Variants in LYN observed in about 807,000 individuals in gnomAD.
LYN encodes the protein tyrosine-protein kinase Lyn.
A neutral mutation model predicts 65.0 loss-of-function variants in LYN; 12 were observed. The observed-to-expected ratio is 0.18, with a 90% CI of 0.12 to 0.30. The LOEUF (loss-of-function observed/expected upper bound fraction) is 0.30. Ranked by LOEUF, LYN falls within the 10% of genes least tolerant of loss-of-function variation. The pLI, the probability that LYN is intolerant of heterozygous loss-of-function variation, is 1.00. For missense variants in LYN, 380 were observed against 623.2 expected (o/e 0.61, Z 4.16); for synonymous variants, 222 against 221.2 (o/e 1.00, Z -0.03).
chr8:55,920,483 C>T (rs770883986), intron 1 of LYN, among the ~76,000 whole-genome samples: 2 of 152,144 alleles, frequency 1.3e-5, no homozygotes, highest in Non-Finnish European at 2.9e-5. Context: ...TCTGAGAGAG[C>T]ATTTAACATA....
intron 6 of LYN, 105 bp from the exon 7 acceptor site, chr8:55,951,861 T>C (rs1806960070): frequency 1.4e-5 from 12 of 849,332 alleles, no homozygotes; most frequent in Middle Eastern, 2.2e-4. Context: ...TTCATAAATA[T>C]ATGTATTTTG....
chr8:55,973,144 T>C lies in LYN; in HGVS notation c.1050+3351T>C, dbSNP rs1040477878. 2.6e-5 allele frequency among the ~76,000 whole-genome samples: 4 copies of C among 152,250 alleles called. No individual in the cohort carries two copies. The East Asian group carries it at 7.7e-4, about 29-fold the overall frequency. On this transcript the variant is annotated intron_variant, in intron 10 of 12. Transcript: ENST00000519728. ...CTGGCCTCTTCTTCCCGCTCCCCAC[T>C]ACCCACTTCCCCATGCCCTACTCTC...
At position 56,012,804 on chromosome 8, in the gene LYN, A is replaced by G. The variant is rs1033843680; in HGVS notation, c.*2694A>G. The G allele has an allele frequency of 6.6e-6, 1 of 152,156 alleles. No homozygotes were observed. The highest frequency in any genetic ancestry group is 2.4e-5 in the African/African-American group (1 of 41,424). The allele number at this position is 152,156 out of a possible 1,614,324, so 9.4% of individuals were successfully genotyped here. A position where few individuals can be genotyped will look rare whatever the true frequency, so the allele number is the denominator to read the frequency against. ...TGAGAGTCACCATTTGGTTTGACCC[A>G]TATTACAAAGCCCAGCCTTCTTTTT... On this transcript the variant is annotated 3_prime_UTR_variant, in exon 13 of 13. Transcript: ENST00000519728.
intron 1 of LYN, among the ~76,000 whole-genome samples, chr8:55,906,805 G>A (rs1205361778): frequency 2.0e-5 from 3 of 152,162 alleles, no homozygotes; most frequent in South Asian, 2.1e-4. Context: ...GAGCTGAGGT[G>A]TAAGCCTCCA....
At chr8:55,951,897 T>C in intron 6 of LYN, 69 bp from the exon 7 acceptor site, 1 of 1,226,960 alleles carries the variant, frequency 8.2e-7, no homozygotes, top group Non-Finnish European at 1.2e-6. Flanking sequence ...AAATGTGTAC[T>C]GCAGTTGTTG....
At chr8:55,943,068 A>G (rs1806672813) in intron 2 of LYN, among the ~76,000 whole-genome samples, 1 of 152,212 alleles carries the variant, frequency 6.6e-6, no homozygotes, top group African/African-American at 2.4e-5. Context: ...GTGATGTGCT[A>G]TTTGGTGTAT....
intron 1 of LYN, among the ~76,000 whole-genome samples, chr8:55,932,954 G>T (rs1806312627): frequency 6.6e-6 from 1 of 152,124 alleles, no homozygotes. Context: ...AGACACGGGA[G>T]ACTACTAAAG....
chr8:55,991,351 T>C (rs994893165), intron 10 of LYN, among the ~76,000 whole-genome samples: 7 of 152,182 alleles, frequency 4.6e-5, no homozygotes, highest in African/African-American at 1.7e-4. Flanking sequence ...TCTAGCTGCC[T>C]CAAAGCCCTG....
intron 9 of LYN, among the ~76,000 whole-genome samples, chr8:55,968,380 C>G (rs59414068): frequency 6.6e-6 from 1 of 152,054 alleles, no homozygotes; most frequent in South Asian, 2.1e-4. Flanking sequence ...CTCAGCCTCC[C>G]AAGTAGCTGG....
intron 1 of LYN, among the ~76,000 whole-genome samples, chr8:55,900,729 A>G (rs1174450106): frequency 2.6e-5 from 4 of 152,136 alleles, no homozygotes; most frequent in Non-Finnish European, 5.9e-5. Context: ...TTTATAGCTA[A>G]GATTTAATTA....
intron 12 of LYN, among the ~76,000 whole-genome samples, chr8:56,003,062 G>GTTTTTTT (rs749463299): frequency 7.3e-6 from 1 of 136,864 alleles, no homozygotes; most frequent in Non-Finnish European, 1.6e-5. Context: ...TTTGTTTTTT[G>GTTTTTTT]TTTTTTTTTT....
At chr8:55,932,125 T>C (rs1306541195) in intron 1 of LYN, among the ~76,000 whole-genome samples, 1 of 152,128 alleles carries the variant, frequency 6.6e-6, no homozygotes, top group Non-Finnish European at 1.5e-5. Flanking sequence ...AAAGGAAGTG[T>C]TCCTGTGCAT....
intron 1 of LYN, among the ~76,000 whole-genome samples, chr8:55,904,653 G>GATTT (rs1421660168): frequency 1.7e-4 from 26 of 152,272 alleles, no homozygotes; most frequent in African/African-American, 5.8e-4. Flanking sequence ...GGGAGGCTGA[G>GATTT]GCAGGAGAAT....
At chr8:55,997,920 T>C (rs1164467605) in intron 10 of LYN, among the ~76,000 whole-genome samples, 3 of 151,628 alleles carry the variant, frequency 2.0e-5, no homozygotes, top group East Asian at 1.9e-4. Context: ...CCGTCTCTAC[T>C]AAAAATACAA....
intron 9 of LYN, among the ~76,000 whole-genome samples, chr8:55,969,337 G>A (rs1339697637): frequency 1.3e-5 from 2 of 152,208 alleles, no homozygotes; most frequent in Non-Finnish European, 2.9e-5. Context: ...AATACAGATG[G>A]GAGTGAGCCT....
chr8:55,972,775 G>A (rs947688855), intron 10 of LYN, among the ~76,000 whole-genome samples: 3 of 152,142 alleles, frequency 2.0e-5, no homozygotes, highest in African/African-American at 4.8e-5. Context: ...CAGATACTTC[G>A]ATAATCCAAC....
intron 1 of LYN, among the ~76,000 whole-genome samples, chr8:55,897,425 A>G (rs1205793293): frequency 6.6e-6 from 1 of 152,150 alleles, no homozygotes; most frequent in Admixed American, 6.5e-5. Flanking sequence ...CTGACTTTGC[A>G]CATGGTGGTT....
chr8:56,012,882 A>T lies in LYN; in HGVS notation c.*2772A>T, dbSNP rs1808855621. On this transcript the variant is annotated 3_prime_UTR_variant, in exon 13 of 13. Transcript: ENST00000519728. ...GAGTGGAAGAGAAGGAAGGAGGAAA[A>T]AAACGTGCCTTCCTTCCTGGTGAAC... The T allele has an allele frequency of 6.6e-6, 1 of 152,180 alleles. No individual in the cohort carries two copies. The highest frequency in any genetic ancestry group is 2.4e-5 in the African/African-American group (1 of 41,430). 9.4% of individuals were successfully genotyped at this position (152,180 alleles called of 1,614,324 possible).
chr8:55,949,588 G>T (rs1806878689), intron 4 of LYN, among the ~76,000 whole-genome samples: 1 of 152,164 alleles, frequency 6.6e-6, no homozygotes, highest in Admixed American at 6.5e-5. Context: ...ATAATTATAT[G>T]CAGTCATGGG....
Sources: allele counts gnomAD v4.1 joint callset (sites outside exome capture counted in the v4.1 genomes callset), GRCh38; gene constraint gnomAD v4.1.1; transcripts MANE v1.5; gene names NCBI Gene and HGNC (gene_info 2026-07-23, HGNC 2026-07-21).